Variants in CBLB observed in about 807,000 individuals in gnomAD.
CBLB encodes Cbl proto-oncogene B.
Under a neutral mutation model 104.9 loss-of-function variants are expected in CBLB, and 31 were observed. The observed-to-expected ratio is 0.30, with a 90% CI of 0.22 to 0.40. CBLB has a LOEUF of 0.40. Ranked by LOEUF, CBLB falls within the 10% of genes least tolerant of loss-of-function variation. The pLI is 1.00. For synonymous variants in CBLB, 440 were observed against 422.6 expected (o/e 1.04, Z -0.51); for missense variants, 1,062 against 1,214.6 (o/e 0.87, Z 1.87).
chr3:105,783,806 G>C (rs1022102603), intron 3 of CBLB, among the ~76,000 whole-genome samples: 1 of 152,156 alleles, frequency 6.6e-6, no homozygotes, highest in Non-Finnish European at 1.5e-5. Context: ...GAGTGAAGGT[G>C]AATTAGGCCA....
intron 9 of CBLB, among the ~76,000 whole-genome samples, chr3:105,720,701 G>A (rs535379192): frequency 2.6e-5 from 4 of 152,256 alleles, no homozygotes; most frequent in South Asian, 4.1e-4. Flanking sequence ...CAATACTTGT[G>A]CATCTAACTG....
intron 13 of CBLB, among the ~76,000 whole-genome samples, 186 bp downstream of exon 13, chr3:105,693,308 T>C (rs2067952309): frequency 6.6e-6 from 1 of 152,070 alleles, no homozygotes; most frequent in Non-Finnish European, 1.5e-5. Context: ...CTCACAGATG[T>C]TGTGGTTACC....
chr3:105,803,080 T>C (rs1250967221), intron 3 of CBLB, among the ~76,000 whole-genome samples: 1 of 152,210 alleles, frequency 6.6e-6, no homozygotes, highest in Non-Finnish European at 1.5e-5. Flanking sequence ...TCATTATAAA[T>C]AGCACTCATG....
chr3:105,737,607 A>G (rs539310255), intron 7 of CBLB, among the ~76,000 whole-genome samples: 3 of 152,282 alleles, frequency 2.0e-5, no homozygotes, highest in Admixed American at 2.0e-4. Context: ...ATTTGCAACT[A>G]TTACATCCTT....
intron 4 of CBLB, among the ~76,000 whole-genome samples, chr3:105,760,790 T>C (rs1479210888): frequency 6.6e-6 from 1 of 152,202 alleles, no homozygotes; most frequent in African/African-American, 2.4e-5. Flanking sequence ...ACTCTGCATA[T>C]ATTGTTGTGC....
At chr3:105,780,041 C>T (rs886811312) in intron 3 of CBLB, among the ~76,000 whole-genome samples, 5 of 151,780 alleles carry the variant, frequency 3.3e-5, no homozygotes, top group African/African-American at 7.3e-5. Context: ...TTAGTAGAGA[C>T]GGGGTTTCAC....
At chr3:105,742,628 T>A (rs1278874259) in intron 6 of CBLB, among the ~76,000 whole-genome samples, 1 of 152,010 alleles carries the variant, frequency 6.6e-6, no homozygotes, top group Non-Finnish European at 1.5e-5. Flanking sequence ...CACTATAAAT[T>A]ATAATTCAGA....
At chr3:105,678,359 T>A in intron 17 of CBLB, 72 bp downstream of exon 17, 1 of 1,431,502 alleles carries the variant, frequency 7.0e-7, no homozygotes, top group Non-Finnish European at 9.9e-7. Flanking sequence ...ATCACTAACA[T>A]TTATTTGATA....
chr3:105,778,100 TGAGA>T (rs970535317), intron 3 of CBLB, among the ~76,000 whole-genome samples: 19 of 151,250 alleles, frequency 1.3e-4, no homozygotes, highest in East Asian at 3.9e-4. Context: ...CCTGTATATA[TGAGA>T]GAGAGAGAGA....
intron 10 of CBLB, 143 bp downstream of exon 10, chr3:105,719,904 T>C: frequency 1.4e-6 from 1 of 721,250 alleles, no homozygotes; most frequent in Non-Finnish European, 2.5e-6. Flanking sequence ...TTGATGATCC[T>C]GACCCTGTAC....
intron 10 of CBLB, among the ~76,000 whole-genome samples, chr3:105,716,758 T>C (rs1047107105): frequency 2.6e-5 from 4 of 152,140 alleles, no homozygotes; most frequent in African/African-American, 9.7e-5. Flanking sequence ...ATAACAAGAT[T>C]GTAGTGAAGT....
chr3:105,704,172 C>T lies in CBLB; in HGVS notation c.1409G>A (p.Cys470Tyr), dbSNP rs762767217. ...GACTGGTGAGTTCTGCCTGTCAGTGCACTAGAACAGAAAAAGAGAAAGATG... is the reference window on the plus strand; with the variant it reads ...GACTGGTGAGTTCTGCCTGTCAGTGTACTAGAACAGAAAAAGAGAAAGATG... ...MMNRLANVRK[C>Y]TDRQNSPVTS... The change falls in exon 11 of 19, where the codon TGC becomes TAC. Residue 470 changes from cysteine (C) to tyrosine (Y), a missense_variant and splice_region_variant. Cys to Tyr is a radical substitution (Grantham distance 194). Transcript: ENST00000394030. 16 of 1,613,856 alleles carry T rather than the reference C, an allele frequency of 9.9e-6. No homozygotes were observed. The East Asian group carries it at 3.1e-4, about 31-fold the overall frequency.
At chr3:105,714,238 T>C (rs1489639034) in intron 10 of CBLB, among the ~76,000 whole-genome samples, 2 of 152,082 alleles carry the variant, frequency 1.3e-5, no homozygotes. Flanking sequence ...CCCAACCTTT[T>C]TGGCACCAGG....
At chr3:105,660,173 A>G (rs1279165596) in intron 18 of CBLB, among the ~76,000 whole-genome samples, 1 of 152,148 alleles carries the variant, frequency 6.6e-6, no homozygotes, top group Non-Finnish European at 1.5e-5. Flanking sequence ...GACAAAAAAT[A>G]CACACATACA....
rs890413294 is a variant in CBLB at position 105,657,642 on chromosome 3, T to A, written c.*1328A>T. ...CACCAAGCATATCATAGATGCTCAA[T>A]AAATATTTGTAGATTTATTAAGAGT... On this transcript the variant is annotated 3_prime_UTR_variant, in exon 19 of 19. Transcript: ENST00000394030. 9.8e-6 allele frequency: 2 copies of A among 203,284 alleles called. No homozygotes were observed. The highest frequency in any genetic ancestry group is 2.3e-5 in the African/African-American group (1 of 43,746). 12.6% of individuals were successfully genotyped at this position (203,284 alleles called of 1,614,324 possible).
chr3:105,809,082 G>C (rs562390635), intron 3 of CBLB, among the ~76,000 whole-genome samples: 2 of 152,322 alleles, frequency 1.3e-5, no homozygotes, highest in Admixed American at 1.3e-4. Context: ...TGACACAGCA[G>C]TGAATGTATA....
In CBLB at chr3:105,678,566, C is replaced by T. The variant is rs760853495; in HGVS notation, c.2434G>A (p.Asp812Asn). ...GATGGAGGGAGGGCATCAAAAGCAT[C>T]TTCACCTGCATTTAAAGAAAGGTCG... is the stretch of plus-strand genomic sequence containing the variant. ...YDLLIPPLGE[D>N]AFDALPPSLP... The change falls in exon 17 of 19, where the codon GAT becomes AAT. Residue 812 changes from aspartate (D) to asparagine (N), a missense_variant. By Grantham distance (23) the Asp-to-Asn change is conservative (BLOSUM62 1). Around this residue, in one of 2 missense-constraint regions of CBLB, gnomAD observed 605 missense variants for 582.6 expected, o/e 1.04. Transcript: ENST00000394030. 5.5e-5 allele frequency: 89 copies of T among 1,612,516 alleles called. No individual in the cohort carries two copies. The Middle Eastern group carries it at 1.2e-3, about 21-fold the overall frequency.
At chr3:105,849,119 A>G (rs922933276) in intron 3 of CBLB, among the ~76,000 whole-genome samples, 9 of 152,190 alleles carry the variant, frequency 5.9e-5, no homozygotes, top group African/African-American at 2.2e-4. Context: ...GGCACATTTT[A>G]GACTCAGTTT....
At chr3:105,676,493 G>A (rs906327460) in intron 17 of CBLB, among the ~76,000 whole-genome samples, 1 of 151,928 alleles carries the variant, frequency 6.6e-6, no homozygotes, top group Non-Finnish European at 1.5e-5. Context: ...CATCTATTGG[G>A]GCTTAAGTTA....
Sources: allele counts gnomAD v4.1 joint callset (sites outside exome capture counted in the v4.1 genomes callset), GRCh38; gene constraint gnomAD v4.1.1; regional missense constraint gnomAD v4.1.1; transcripts MANE v1.5; gene names NCBI Gene and HGNC (gene_info 2026-07-23, HGNC 2026-07-21).